ERCC8: variants seen among roughly 807,000 people sequenced by gnomAD.
ERCC8 encodes DNA excision repair protein ERCC-8.
Under a neutral mutation model 54.9 loss-of-function variants are expected in ERCC8, and 52 were observed. That is an observed-to-expected ratio of 0.95 (90% CI 0.76 to 1.19). The LOEUF is 1.19. Among genes scored for constraint, ERCC8 ranks in the 50% most tolerant of loss-of-function variants. The pLI is 0.00. For synonymous variants in ERCC8, 146 were observed against 157.2 expected, an observed-to-expected ratio of 0.93 and a Z score of 0.53; for missense variants, 514 against 466.1, an observed-to-expected ratio of 1.10 and a Z score of -0.95.
At chr5:60,887,237 G>A (rs1443188157) in intron 11 of ERCC8, among the ~76,000 whole-genome samples, 1 of 152,036 alleles carries the variant, frequency 6.6e-6, no homozygotes, top group Admixed American at 6.6e-5. Flanking sequence ...TTGTTGTTCT[G>A]AGATGGGGTC....
At chr5:60,936,323 C>T (rs1750064724) in intron 1 of ERCC8, among the ~76,000 whole-genome samples, 1 of 152,046 alleles carries the variant, frequency 6.6e-6, no homozygotes, top group Admixed American at 6.5e-5. Flanking sequence ...TGATAGTAGC[C>T]TTGAATGATC....
At chr5:60,909,243 GAAAAAAAAAAAAAAAAAAA>G (rs60064294) in intron 4 of ERCC8, among the ~76,000 whole-genome samples, 7 of 19,932 alleles carry the variant, frequency 3.5e-4, no homozygotes, top group African/African-American at 1.0e-3. Context: ...GCCCTATTCT[GAAAAAAAAAAAAAAAAAAA>G]AAAAAAAAAA....
chr5:60,873,145 A>G lies in ERCC8; in HGVS notation c.*1470T>C, dbSNP rs4647171. Reference sequence around the variant, plus strand: ...AAGATTACTATTAATTTTGAAAAATAAGAGAATGGATGTAAAGTGTTCTTA... The same window carrying G: ...AAGATTACTATTAATTTTGAAAAATGAGAGAATGGATGTAAAGTGTTCTTA... On this transcript the variant is annotated 3_prime_UTR_variant, in exon 12 of 12. Transcript: ENST00000676185. 0.2 allele frequency among the ~76,000 whole-genome samples: 29,767 copies of G among 152,192 alleles called. 3,545 individuals are homozygous for G. The highest frequency in any genetic ancestry group is 0.27 in the Non-Finnish European group (18,028 of 67,978).
chr5:60,871,341 G>A lies in ERCC8; in HGVS notation c.*3274C>T, dbSNP rs1747859462. Among the ~76,000 whole-genome samples, 1 of 152,108 alleles carries A rather than the reference G, an allele frequency of 6.6e-6. No homozygotes were observed. The highest frequency in any genetic ancestry group is 1.5e-5 in the Non-Finnish European group (1 of 68,028). Reference sequence around the variant, plus strand: ...AGAGGGATTTATATAAGCTGTAACTGCAAAATATAATTTAAAAACTTTGTA... The same window carrying A: ...AGAGGGATTTATATAAGCTGTAACTACAAAATATAATTTAAAAACTTTGTA... On this transcript the variant is annotated 3_prime_UTR_variant, in exon 12 of 12. Transcript: ENST00000676185.
rs200205429 is a variant in ERCC8, at chr5:60,922,137, T to C, written c.192A>G (p.Ser64=). 52 of 1,604,988 alleles carry C rather than the reference T, an allele frequency of 3.2e-5. No homozygotes were observed. The East Asian group carries it at 1.1e-3, about 35-fold the overall frequency. The change falls in exon 3 of 12, where the codon TCA becomes TCG. Residue 64 remains serine, a synonymous_variant. Transcript: ENST00000676185. ...VEGRYMLSGG[S]DGVIVLYDLE... is the part of the protein sequence containing the mutation. Reference sequence around the variant, plus strand: ...GGTCATAAAGTACAATCACACCATCTGAACCACCTGATAACATGCTGATAA... The same window carrying C: ...GGTCATAAAGTACAATCACACCATCCGAACCACCTGATAACATGCTGATAA...
rs60064294 is a variant in ERCC8, at chr5:60,909,243, G to GAAAAAAAA, written c.400-4378_400-4371dup. 1.3e-3 allele frequency among the ~76,000 whole-genome samples: 25 copies of GAAAAAAAA among 19,950 alleles called. 2 individuals carry two copies. Among genetic ancestry groups the GAAAAAAAA allele is most frequent in the Admixed American group, 2.1e-3 (2 of 952 alleles). 13.1% of individuals were successfully genotyped at this position (19,950 alleles called of 152,430 possible). A position where few individuals can be genotyped will look rare whatever the true frequency, so the allele number is the denominator to read the frequency against. On this transcript the variant is annotated intron_variant, in intron 4 of 11. Coordinates refer to ENST00000676185, the MANE Select transcript of ERCC8 (RefSeq NM_000082.4). ...AATGCAGACAAAAATGCCCTATTCT[G>GAAAAAAAA]AAAAAAAAAAAAAAAAAAAAAAAAA...
intron 11 of ERCC8, among the ~76,000 whole-genome samples, chr5:60,884,523 G>GTTTT (rs71606648): frequency 1.2e-3 from 149 of 128,090 alleles, no homozygotes; most frequent in South Asian, 5.2e-3. Flanking sequence ...GTGTGTATGT[G>GTTTT]TTTTTTTTTT....
chr5:60,944,451 C>T (rs1369418128), intron 1 of ERCC8, among the ~76,000 whole-genome samples: 1 of 152,208 alleles, frequency 6.6e-6, no homozygotes, highest in Admixed American at 6.5e-5. Flanking sequence ...CTGTCTACTT[C>T]ATCTCTTGTC....
intron 4 of ERCC8, among the ~76,000 whole-genome samples, chr5:60,906,730 AAAAT>A (rs142093470): frequency 0.63 from 94,842 of 149,782 alleles, 30,460 homozygotes; most frequent in East Asian, 0.94. Context: ...CTCTGTCTCA[AAAAT>A]AAATAAATAA....
At chr5:60,931,853 TAAG>T (rs1749918451) in intron 1 of ERCC8, among the ~76,000 whole-genome samples, 1 of 152,092 alleles carries the variant, frequency 6.6e-6, no homozygotes. Context: ...TTCCTAACAG[TAAG>T]AAGCATGGCT....
At chr5:60,936,492 G>A (rs1750070278) in intron 1 of ERCC8, among the ~76,000 whole-genome samples, 1 of 151,942 alleles carries the variant, frequency 6.6e-6, no homozygotes, top group South Asian at 2.1e-4. Context: ...TATCTTTTGT[G>A]TTTTGTTGTT....
intron 10 of ERCC8, among the ~76,000 whole-genome samples, chr5:60,890,341 T>C (rs1274390219): frequency 2.6e-5 from 4 of 152,222 alleles, no homozygotes; most frequent in Non-Finnish European, 4.4e-5. Context: ...ATGAGGTAAT[T>C]TGTGCAAATG....
rs577319337 is a variant in ERCC8, at chr5:60,926,810, T to C, written c.173+2054A>G. Among the ~76,000 whole-genome samples, 8 of 152,350 alleles carry C rather than the reference T, an allele frequency of 5.3e-5. No individual in the cohort carries two copies. In the South Asian group the frequency reaches 1.4e-3, roughly 28 times the overall value. Reference sequence around the variant, plus strand: ...TCTTGCCATACAGATGTATTATCAATATAAAACAAAATTATGTTAAAAGTT... The same window carrying C: ...TCTTGCCATACAGATGTATTATCAACATAAAACAAAATTATGTTAAAAGTT... On this transcript the variant is annotated intron_variant, in intron 2 of 11. Transcript: ENST00000676185.
chr5:60,905,102 C>A (rs184972008), intron 4 of ERCC8, among the ~76,000 whole-genome samples: 76 of 152,114 alleles, frequency 5.0e-4, no homozygotes, highest in African/African-American at 1.8e-3. Flanking sequence ...CAATAAATCC[C>A]AGAAATTAAG....
chr5:60,893,388 G>C, intron 9 of ERCC8: 1 of 860,236 alleles, frequency 1.2e-6, no homozygotes, highest in Non-Finnish European at 2.0e-6. Context: ...TGGGCAGCTT[G>C]CTGCTTCTCC....
chr5:60,935,993 G>A (rs558258941), intron 1 of ERCC8, among the ~76,000 whole-genome samples: 2 of 151,812 alleles, frequency 1.3e-5, no homozygotes, highest in South Asian at 2.1e-4. Flanking sequence ...GTTGGTCTGC[G>A]GTTGTCTTTG....
intron 4 of ERCC8, among the ~76,000 whole-genome samples, chr5:60,905,898 A>C (rs1380578660): frequency 6.6e-6 from 1 of 151,956 alleles, no homozygotes; most frequent in Non-Finnish European, 1.5e-5. Context: ...TGATGAATAG[A>C]TGCTTGCTAT....
chr5:60,893,350 A>G (rs1262489084), intron 9 of ERCC8: 2 of 847,222 alleles, frequency 2.4e-6, no homozygotes, highest in Non-Finnish European at 4.1e-6. Context: ...AGCTCTTGAT[A>G]GACCTGCGTT....
chr5:60,883,142 T>G (rs1303450271), intron 11 of ERCC8, among the ~76,000 whole-genome samples: 1 of 152,228 alleles, frequency 6.6e-6, no homozygotes, highest in Non-Finnish European at 1.5e-5. Context: ...TCATAAATTA[T>G]TTTTGTATGG....
Sources: allele counts gnomAD v4.1 joint callset (sites outside exome capture counted in the v4.1 genomes callset), GRCh38; gene constraint gnomAD v4.1.1; transcripts MANE v1.5; gene names NCBI Gene and HGNC (gene_info 2026-07-23, HGNC 2026-07-21).